Variants in IKZF2 observed in about 807,000 individuals in gnomAD.
The protein encoded by IKZF2 is IKAROS family zinc finger 2, also known as zinc finger protein Helios.
In IKZF2, 15 loss-of-function variants were observed where a neutral mutation model predicts 49.2. The observed-to-expected ratio is 0.30, with a 90% confidence interval of 0.20 to 0.47. IKZF2 has a LOEUF of 0.47. Ranked by LOEUF, IKZF2 falls within the 20% of genes least tolerant of loss-of-function variation. The probability of loss-of-function intolerance (pLI) is 1.00; values close to 1 mark genes in which losing one functional copy is unlikely to be tolerated. For missense variants in IKZF2, 567 were observed against 664.6 expected, an observed-to-expected ratio of 0.85 and a Z score of 1.61; for synonymous variants, 227 against 221.4, an observed-to-expected ratio of 1.03 and a Z score of -0.23.
At position 213,134,836 on chromosome 2, in the gene IKZF2, G is replaced by A. The variant is rs1032052595; in HGVS notation, c.139+12872C>T. 4.6e-5 allele frequency among the ~76,000 whole-genome samples: 7 copies of A among 152,246 alleles called. No homozygotes were observed. In the East Asian group the frequency reaches 1.4e-3, roughly 29 times the overall value. On this transcript the variant is annotated intron_variant, in intron 4 of 8. Coordinates refer to ENST00000434687, the MANE Select transcript of IKZF2 (RefSeq NM_001387220.1). ...ATTTTTTTGTGAAGAAAGAAAAAGG[G>A]GAGGAAAAGACGCTATTTTTCATTT...
intron 4 of IKZF2, among the ~76,000 whole-genome samples, chr2:213,130,293 A>G (rs910257689): frequency 6.6e-6 from 1 of 152,232 alleles, no homozygotes. Context: ...CACAGGCAGG[A>G]AAGAAGTCAA....
At position 213,002,599 on chromosome 2, in the gene IKZF2, T is replaced by G. The variant is rs895760128; in HGVS notation, c.*4761A>C. The stretch of plus-strand genomic sequence containing the variant: ...AGCTGTCATATCCTAACACACCCAT[T>G]GCAAGTAATACACAACCATGATATG... On this transcript the variant is annotated 3_prime_UTR_variant, in exon 9 of 9. Transcript: ENST00000434687. The G allele has an allele frequency of 2.0e-5, 3 of 151,916 alleles. No homozygotes were observed. The highest frequency in any genetic ancestry group is 4.4e-5 in the Non-Finnish European group (3 of 67,574). The allele number at this position is 151,916 out of a possible 1,614,324, so 9.4% of individuals were successfully genotyped here.
At chr2:213,142,796 T>C (rs1169540946) in intron 4 of IKZF2, among the ~76,000 whole-genome samples, 1 of 151,952 alleles carries the variant, frequency 6.6e-6, no homozygotes, top group Non-Finnish European at 1.5e-5. Flanking sequence ...CCTCACAGAA[T>C]TGATGTGGAG....
intron 7 of IKZF2, among the ~76,000 whole-genome samples, chr2:213,019,855 T>C (rs934980467): frequency 6.6e-6 from 1 of 152,216 alleles, no homozygotes; most frequent in Non-Finnish European, 1.5e-5. Context: ...TTAGGGGACA[T>C]ATCTTTGCTT....
intron 4 of IKZF2, among the ~76,000 whole-genome samples, chr2:213,113,204 C>T (rs1206807996): frequency 2.0e-5 from 3 of 152,062 alleles, no homozygotes; most frequent in Non-Finnish European, 4.4e-5. Flanking sequence ...TCTTTTATTC[C>T]TACTTTATAT....
Position 213,005,198 on chromosome 2 carries a change from G to GGGGT in IKZF2, c.*2161_*2162insACCC, listed in dbSNP as rs200090377. The GGGGT allele has an allele frequency of 1.6e-4, 20 of 128,302 alleles. 1 individual carries two copies. The highest frequency in any genetic ancestry group is 3.0e-4 in the Non-Finnish European group (18 of 59,470). The allele number at this position is 128,302 out of a possible 1,614,324, so 7.9% of individuals were successfully genotyped here. A position where few individuals can be genotyped will look rare whatever the true frequency, so the allele number is the denominator to read the frequency against. Reference sequence around the variant, plus strand: ...TATTTGGGAGTGGTTGGGTGGGGGGGGGTGAGCGAGTCTCAAAAACATGCT... The same window carrying GGGGT: ...TATTTGGGAGTGGTTGGGTGGGGGGGGGGTGGTGAGCGAGTCTCAAAAACATGCT... On this transcript the variant is annotated 3_prime_UTR_variant, in exon 9 of 9. Transcript: ENST00000434687.
intron 4 of IKZF2, among the ~76,000 whole-genome samples, chr2:213,099,952 C>A (rs554289006): frequency 6.6e-6 from 1 of 152,062 alleles, no homozygotes; most frequent in Non-Finnish European, 1.5e-5. Context: ...AATTGGCTTT[C>A]ATTTTCATTT....
chr2:213,104,999 A>G (rs1574859147), intron 4 of IKZF2, among the ~76,000 whole-genome samples: 1 of 152,114 alleles, frequency 6.6e-6, no homozygotes, highest in Non-Finnish European at 1.5e-5. Context: ...AGCCAACAAC[A>G]AAGGTACTCC....
At chr2:213,051,099 T>A (rs1282058693) in intron 5 of IKZF2, among the ~76,000 whole-genome samples, 1 of 152,010 alleles carries the variant, frequency 6.6e-6, no homozygotes, top group Admixed American at 6.6e-5. Context: ...ACACACATAA[T>A]AATGAATAAT....
At chr2:213,136,370 C>CAAAAAAAAAAAAA (rs11325415) in intron 4 of IKZF2, among the ~76,000 whole-genome samples, 11 of 53,406 alleles carry the variant, frequency 2.1e-4, no homozygotes, top group African/African-American at 3.5e-4. Context: ...GACACTGTCT[C>CAAAAAAAAAAAAA]AAAAAAAAAA....
At chr2:213,044,319 G>A (rs949501674) in intron 6 of IKZF2, among the ~76,000 whole-genome samples, 1 of 151,936 alleles carries the variant, frequency 6.6e-6, no homozygotes, top group Non-Finnish European at 1.5e-5. Context: ...CCATTCTTTT[G>A]TGAATATTTG....
chr2:213,124,261 C>T (rs2060174148), intron 4 of IKZF2, among the ~76,000 whole-genome samples: 1 of 53,250 alleles, frequency 1.9e-5, no homozygotes, highest in Non-Finnish European at 5.4e-5. Context: ...CGCACACACA[C>T]ACACACACAC....
intron 8 of IKZF2, among the ~76,000 whole-genome samples, chr2:213,011,306 TTA>T: frequency 6.6e-6 from 1 of 152,026 alleles, no homozygotes; most frequent in Admixed American, 6.6e-5. Context: ...TTTTTTTTAA[TTA>T]TGAGAATTTA....
intron 4 of IKZF2, among the ~76,000 whole-genome samples, chr2:213,132,884 A>G (rs2060518536): frequency 6.6e-6 from 1 of 152,206 alleles, no homozygotes; most frequent in Non-Finnish European, 1.5e-5. Context: ...TCAGTAATTG[A>G]TTTGAATACA....
chr2:213,076,911 T>A (rs952681106), intron 4 of IKZF2, among the ~76,000 whole-genome samples: 5 of 151,972 alleles, frequency 3.3e-5, no homozygotes, highest in African/African-American at 9.7e-5. Flanking sequence ...CCAAAAAAAA[T>A]AAATAAATAA....
intron 6 of IKZF2, among the ~76,000 whole-genome samples, chr2:213,032,770 A>T (rs1250690255): frequency 6.6e-6 from 1 of 152,206 alleles, no homozygotes; most frequent in Non-Finnish European, 1.5e-5. Flanking sequence ...CAGACTCATC[A>T]TCTTTCCACT....
rs1695153028 is a variant in IKZF2 at position 213,004,382 on chromosome 2, T to A, written c.*2978A>T. The A allele has an allele frequency of 1.3e-5, 2 of 151,924 alleles. No individual in the cohort carries two copies. 9.4% of individuals were successfully genotyped at this position (151,924 alleles called of 1,614,324 possible). A position where few individuals can be genotyped will look rare whatever the true frequency, so the allele number is the denominator to read the frequency against. On this transcript the variant is annotated 3_prime_UTR_variant, in exon 9 of 9. Coordinates refer to ENST00000434687, the MANE Select transcript of IKZF2 (RefSeq NM_001387220.1). ...CTGTCTTAAAAAGGTCCAATTAGAA[T>A]GGCTTTTGAGCATGATTCATCACTG...
intron 5 of IKZF2, among the ~76,000 whole-genome samples, chr2:213,052,226 T>A (rs1378189729): frequency 6.6e-6 from 1 of 152,020 alleles, no homozygotes; most frequent in Non-Finnish European, 1.5e-5. Context: ...AAAGGTAGTC[T>A]AGGTATATCT....
chr2:213,014,956 G>C (rs773651211), intron 7 of IKZF2: 1 of 151,966 alleles, frequency 6.6e-6, no homozygotes, highest in Non-Finnish European at 1.5e-5. Flanking sequence ...TACTTGTTCA[G>C]TATGCCCTGT....
Sources: allele counts gnomAD v4.1 joint callset (sites outside exome capture counted in the v4.1 genomes callset), GRCh38; gene constraint gnomAD v4.1.1; transcripts MANE v1.5; gene names NCBI Gene and HGNC (gene_info 2026-07-23, HGNC 2026-07-21).